Variants in ERBB4 observed in about 807,000 individuals in gnomAD.
ERBB4 encodes erb-b2 receptor tyrosine kinase 4, also known as receptor tyrosine-protein kinase erbB-4.
A neutral mutation model predicts 158.0 loss-of-function variants in ERBB4; 42 were observed. The observed-to-expected ratio is 0.27, with a 90% confidence interval of 0.21 to 0.34. The LOEUF (loss-of-function observed/expected upper bound fraction) is 0.34. Ranked by LOEUF, ERBB4 falls within the 10% of genes least tolerant of loss-of-function variation. ERBB4 has a pLI of 1.00. For synonymous variants in ERBB4, 583 were observed against 558.7 expected (o/e 1.04, Z -0.61); for missense variants, 1,333 against 1,624.1 (o/e 0.82, Z 3.08).
At chr2:212,222,273 A>C (rs1394061454) in intron 1 of ERBB4, among the ~76,000 whole-genome samples, 1 of 151,592 alleles carries the variant, frequency 6.6e-6, no homozygotes, top group African/African-American at 2.4e-5. Flanking sequence ...AATGGTCAAA[A>C]TCAGCAGCAA....
intron 14 of ERBB4, among the ~76,000 whole-genome samples, chr2:211,670,574 G>A (rs139144795): frequency 3.1e-4 from 47 of 152,206 alleles, no homozygotes; most frequent in Admixed American, 7.2e-4. Flanking sequence ...AAGAGAAAAA[G>A]CATGGAACTG....
intron 1 of ERBB4, among the ~76,000 whole-genome samples, chr2:212,352,086 T>A (rs2089276751): frequency 6.6e-6 from 1 of 152,126 alleles, no homozygotes; most frequent in Non-Finnish European, 1.5e-5. Flanking sequence ...AAATAGCACA[T>A]GTCCTCATTT....
rs188747006 is a variant in ERBB4, at chr2:212,206,790, G to A, written c.83-81887C>T. The stretch of plus-strand genomic sequence containing the variant: ...TTTTTAGTAGAGACGGGGTTTCACC[G>A]TGTTAGCCAGGATGGTCTCCATCTC... On this transcript the variant is annotated intron_variant, in intron 1 of 27. Transcript: ENST00000342788. 4.5e-3 allele frequency among the ~76,000 whole-genome samples: 681 copies of A among 151,626 alleles called. 2 individuals are homozygous for A. The highest frequency in any genetic ancestry group is 0.016 in the African/African-American group (652 of 41,352).
intron 1 of ERBB4, among the ~76,000 whole-genome samples, chr2:212,238,071 T>C (rs887610565): frequency 6.6e-6 from 1 of 152,194 alleles, no homozygotes; most frequent in Non-Finnish European, 1.5e-5. Flanking sequence ...TCCGCCGCCT[T>C]TCCAGAGGAG....
chr2:211,738,374 T>TG (rs1559473851), intron 5 of ERBB4, among the ~76,000 whole-genome samples: 13 of 148,124 alleles, frequency 8.8e-5, no homozygotes, highest in African/African-American at 3.2e-4. Flanking sequence ...TTTTTTTTTT[T>TG]TTTTTTTTTT....
At chr2:211,701,883 A>T in intron 12 of ERBB4, 84 bp downstream of exon 12, 1 of 1,004,452 alleles carries the variant, frequency 1.0e-6, no homozygotes, top group Non-Finnish European at 1.6e-6. Flanking sequence ...TTCTGACCGG[A>T]TGTTATTTTT....
intron 19 of ERBB4, 37 bp downstream of exon 19, chr2:211,619,140 T>C (rs763776692): frequency 8.2e-7 from 1 of 1,225,640 alleles, no homozygotes; most frequent in East Asian, 2.3e-5. Flanking sequence ...TATTTGATAA[T>C]GGAGAAAAAT....
chr2:211,794,989 A>C (rs1559525556), intron 3 of ERBB4, among the ~76,000 whole-genome samples: 1 of 151,830 alleles, frequency 6.6e-6, no homozygotes, highest in Non-Finnish European at 1.5e-5. Flanking sequence ...TCTACAGAAA[A>C]TTTCTCATAG....
rs193014710 is a variant in ERBB4, at chr2:212,319,183, C to T, written c.83-194280G>A. Among the ~76,000 whole-genome samples the T allele has an allele frequency of 1.1e-4, 16 of 151,678 alleles. No homozygotes were observed. The East Asian group carries it at 2.5e-3, about 24-fold the overall frequency. Reference sequence around the variant, plus strand: ...TGGGTCAACATATAATAACTTCTACCTATTGTTTTTACTTTTATGTAGACA... The same window carrying T: ...TGGGTCAACATATAATAACTTCTACTTATTGTTTTTACTTTTATGTAGACA... On this transcript the variant is annotated intron_variant, in intron 1 of 27. Transcript: ENST00000342788.
intron 1 of ERBB4, chr2:212,125,218 T>C (rs971910344): frequency 4.3e-5 from 10 of 234,760 alleles, no homozygotes; most frequent in Non-Finnish European, 8.3e-5. Flanking sequence ...TTTAAACATT[T>C]TTTTTTTTAG....
At chr2:212,068,599 C>T (rs919142903) in intron 2 of ERBB4, among the ~76,000 whole-genome samples, 2 of 152,008 alleles carry the variant, frequency 1.3e-5, no homozygotes. Context: ...CTGATGTTAA[C>T]CAATCAATTA....
At chr2:212,222,484 T>A (rs1382940734) in intron 1 of ERBB4, among the ~76,000 whole-genome samples, 2 of 151,604 alleles carry the variant, frequency 1.3e-5, no homozygotes, top group Non-Finnish European at 3.0e-5. Context: ...TATCAATGAC[T>A]TTTTTACTGC....
Position 211,787,930 on chromosome 2 carries a change from G to T in ERBB4, c.556+95C>A, listed in dbSNP as rs562087722. The T allele has an allele frequency of 2.3e-6, 3 of 1,293,390 alleles. No individual in the cohort carries two copies. The East Asian group carries it at 7.0e-5, about 30-fold the overall frequency. The allele number at this position is 1,293,390 out of a possible 1,614,324, so 80.1% of individuals were successfully genotyped here. ...GAACATTTCAATGAATGCAATCAAAGTTCAAAATATTAGTAATGACATAAT... is the reference window on the plus strand; with the variant it reads ...GAACATTTCAATGAATGCAATCAAATTTCAAAATATTAGTAATGACATAAT... On this transcript the variant is annotated intron_variant, in intron 4 of 27. Transcript: ENST00000342788.
intron 3 of ERBB4, among the ~76,000 whole-genome samples, chr2:211,868,770 G>A (rs937952778): frequency 2.6e-5 from 4 of 152,048 alleles, no homozygotes; most frequent in African/African-American, 9.7e-5. Context: ...ACTTAAAAAT[G>A]TTATTTAGTG....
intron 1 of ERBB4, among the ~76,000 whole-genome samples, chr2:212,182,198 A>C (rs1361939925): frequency 1.3e-5 from 2 of 151,810 alleles, no homozygotes; most frequent in African/African-American, 4.8e-5. Flanking sequence ...AACACTATGA[A>C]GTTAATACTA....
At chr2:211,674,971 A>C (rs1322409646) in intron 13 of ERBB4, among the ~76,000 whole-genome samples, 1 of 152,176 alleles carries the variant, frequency 6.6e-6, no homozygotes, top group African/African-American at 2.4e-5. Flanking sequence ...AATCATGGAG[A>C]TGGCCTATTG....
In ERBB4 at chr2:211,682,117, T is replaced by C. The variant is rs940519516; in HGVS notation, c.1490-2933A>G. Among the ~76,000 whole-genome samples, 6 of 137,758 alleles carry C rather than the reference T, an allele frequency of 4.4e-5. No individual in the cohort carries two copies. The South Asian group carries it at 8.9e-4, about 21-fold the overall frequency. The allele number at this position is 137,758 out of a possible 152,430, so 90.4% of individuals were successfully genotyped here. On this transcript the variant is annotated intron_variant, in intron 12 of 27. Transcript: ENST00000342788. ...AATTGGCTCACACAAGCAGGAAAAC[T>C]GAGAAGTTTCACCATCTTCCACCTG...
At chr2:212,405,909 C>T (rs933843683) in intron 1 of ERBB4, among the ~76,000 whole-genome samples, 1 of 152,000 alleles carries the variant, frequency 6.6e-6, no homozygotes, top group Admixed American at 6.6e-5. Context: ...TCTACACTCT[C>T]GCTGCTCAAC....
At chr2:211,798,644 C>T (rs927590856) in intron 3 of ERBB4, among the ~76,000 whole-genome samples, 2 of 151,940 alleles carry the variant, frequency 1.3e-5, no homozygotes, top group Non-Finnish European at 2.9e-5. Context: ...ATTTTAAAAC[C>T]TATGTACATT....
Sources: gnomAD v4.1 joint callset for allele counts (sites outside exome capture counted in the v4.1 genomes callset) on GRCh38, gnomAD v4.1.1 for gene constraint, MANE v1.5 for transcripts, NCBI Gene and HGNC (gene_info 2026-07-23, HGNC 2026-07-21) for gene names.